Variants in HADH observed in about 807,000 individuals in gnomAD.
HADH encodes the protein hydroxyacyl-CoA dehydrogenase.
HADH carries 24 observed loss-of-function variants against 32.2 expected under a neutral mutation model. The ratio of observed to expected loss-of-function variants is 0.75; its 90% CI spans 0.54 to 1.05. The LOEUF is 1.05. HADH is among the 50% of genes least tolerant of loss of function. HADH has a pLI of 0.00. For synonymous variants in HADH, 139 were observed against 152.5 expected, an observed-to-expected ratio of 0.91 and a Z score of 0.65; for missense variants, 350 against 397.1, an observed-to-expected ratio of 0.88 and a Z score of 1.01.
At chr4:108,000,552 C>T (rs964989238) in intron 1 of HADH, among the ~76,000 whole-genome samples, 7 of 152,154 alleles carry the variant, frequency 4.6e-5, no homozygotes, top group African/African-American at 1.2e-4. Flanking sequence ...TTCACACCAG[C>T]GCCACACCCA....
chr4:107,993,599 A>G (rs1187014560), intron 1 of HADH, among the ~76,000 whole-genome samples: 1 of 152,184 alleles, frequency 6.6e-6, no homozygotes, highest in African/African-American at 2.4e-5. Context: ...AGCCTGATGC[A>G]TTTCTCAAGC....
intron 2 of HADH, 90 bp downstream of exon 2, chr4:108,009,977 C>CA: frequency 5.5e-6 from 3 of 550,030 alleles, no homozygotes; most frequent in Non-Finnish European, 9.2e-6. Flanking sequence ...TTCTTTCTTT[C>CA]TTTTTTTTTT....
intron 2 of HADH, among the ~76,000 whole-genome samples, chr4:108,013,303 G>A (rs944096953): frequency 1.3e-5 from 2 of 152,200 alleles, no homozygotes; most frequent in African/African-American, 2.4e-5. Flanking sequence ...CCAGACAGAT[G>A]AGATTATAAG....
At chr4:108,018,972 ATT>A (rs1320325978) in intron 3 of HADH, among the ~76,000 whole-genome samples, 1 of 152,078 alleles carries the variant, frequency 6.6e-6, no homozygotes, top group African/African-American at 2.4e-5. Flanking sequence ...TAACCTTAAA[ATT>A]TTTTTGAACC....
At chr4:107,997,443 C>T (rs989704477) in intron 1 of HADH, among the ~76,000 whole-genome samples, 3 of 152,094 alleles carry the variant, frequency 2.0e-5, no homozygotes, top group Non-Finnish European at 4.4e-5. Context: ...CTTCTTGATA[C>T]ATTTACAAAG....
chr4:108,015,201 C>T (rs1035034343), intron 3 of HADH, among the ~76,000 whole-genome samples: 3 of 152,136 alleles, frequency 2.0e-5, no homozygotes, highest in Non-Finnish European at 4.4e-5. Flanking sequence ...TTTGAGAAAT[C>T]TCCATACTGT....
chr4:108,008,351 A>C (rs922131952), intron 1 of HADH, among the ~76,000 whole-genome samples: 1 of 152,154 alleles, frequency 6.6e-6, no homozygotes, highest in African/African-American at 2.4e-5. Context: ...GTGCTGATGC[A>C]GCCTGCAGGT....
intron 2 of HADH, among the ~76,000 whole-genome samples, chr4:108,013,358 C>T (rs1000670839): frequency 3.1e-4 from 47 of 152,042 alleles, no homozygotes; most frequent in African/African-American, 1.1e-3. Context: ...TGAGTTTGAC[C>T]CAGATAGCCT....
chr4:107,996,163 A>G (rs1734953639), intron 1 of HADH, among the ~76,000 whole-genome samples: 1 of 152,158 alleles, frequency 6.6e-6, no homozygotes, highest in African/African-American at 2.4e-5. Context: ...TGCAGTTCCT[A>G]GACCAGGTGT....
chr4:107,990,196 G>A, intron 1 of HADH, 132 bp downstream of exon 1: 1 of 939,290 alleles, frequency 1.1e-6, no homozygotes, highest in South Asian at 1.6e-5. Context: ...CCTCCCGGGT[G>A]TAGTTGAAAT....
chr4:108,010,022 C>G, intron 2 of HADH, 135 bp downstream of exon 2: 1 of 631,278 alleles, frequency 1.6e-6, no homozygotes, highest in South Asian at 1.8e-5. Context: ...ACTCATTTTT[C>G]CATAACTTTA....
chr4:108,010,991 G>A lies in HADH; in HGVS notation c.261+1104G>A, dbSNP rs143519381. On this transcript the variant is annotated intron_variant, in intron 2 of 7. Coordinates refer to ENST00000309522, the MANE Select transcript of HADH (RefSeq NM_005327.7). Reference sequence around the variant, plus strand: ...AGCCTCCCAAGTAGCTGGGATTACAGGCGCACGCCACCACGTCCAGCTAAT... The same window carrying A: ...AGCCTCCCAAGTAGCTGGGATTACAAGCGCACGCCACCACGTCCAGCTAAT... 7.1e-4 allele frequency among the ~76,000 whole-genome samples: 108 copies of A among 152,126 alleles called. 1 individual carries two copies. The East Asian group carries it at 0.014, about 20-fold the overall frequency.
chr4:108,017,399 C>T (rs954022984), intron 3 of HADH, among the ~76,000 whole-genome samples: 2 of 152,124 alleles, frequency 1.3e-5, no homozygotes, highest in Non-Finnish European at 2.9e-5. Flanking sequence ...CTTCTTTATA[C>T]TAGGGTCTGG....
At chr4:108,011,213 T>C (rs749390601) in intron 2 of HADH, among the ~76,000 whole-genome samples, 4 of 152,242 alleles carry the variant, frequency 2.6e-5, no homozygotes, top group Non-Finnish European at 5.9e-5. Context: ...TAATATTCCA[T>C]TGGATTTATA....
chr4:107,997,431 ATCT>A (rs1399443972), intron 1 of HADH, among the ~76,000 whole-genome samples: 4 of 152,136 alleles, frequency 2.6e-5, no homozygotes, highest in East Asian at 1.9e-4. Flanking sequence ...GCTGCTTCAA[ATCT>A]TCTTGATACA....
chr4:108,002,555 C>A (rs4956144), intron 1 of HADH, among the ~76,000 whole-genome samples: 131,902 of 152,168 alleles, frequency 0.87, 58,042 homozygotes, highest in East Asian at 0.97. Context: ...AGTGCACAAT[C>A]AATGTAATGC....
At chr4:108,027,806 C>T (rs1228727496) in intron 6 of HADH, 46 bp downstream of exon 6, 9 of 1,106,720 alleles carry the variant, frequency 8.1e-6, no homozygotes, top group South Asian at 3.7e-5. Context: ...CAGCTCCTGG[C>T]GCCACTGTCT....
At chr4:108,012,842 T>C (rs1735546426) in intron 2 of HADH, among the ~76,000 whole-genome samples, 1 of 152,252 alleles carries the variant, frequency 6.6e-6, no homozygotes, top group Non-Finnish European at 1.5e-5. Flanking sequence ...GAAAAGTTAC[T>C]ATTTATTCTT....
chr4:108,020,633 G>A (rs1159470129), intron 4 of HADH, among the ~76,000 whole-genome samples: 2 of 152,168 alleles, frequency 1.3e-5, no homozygotes, highest in Admixed American at 1.3e-4. Flanking sequence ...AGTCACAGTA[G>A]GCAATTTGCA....
Sources: allele counts gnomAD v4.1 joint callset (sites outside exome capture counted in the v4.1 genomes callset), GRCh38; gene constraint gnomAD v4.1.1; transcripts MANE v1.5; gene names NCBI Gene and HGNC (gene_info 2026-07-23, HGNC 2026-07-21).